Variants in SYMPK observed in about 807,000 individuals in gnomAD.
The protein encoded by SYMPK is symplekin.
Under a neutral mutation model 136.4 loss-of-function variants are expected in SYMPK, and 49 were observed. The observed-to-expected ratio is 0.36, with a 90% CI of 0.29 to 0.46. The LOEUF (loss-of-function observed/expected upper bound fraction) is 0.46, where lower values mean the gene tolerates loss of function less well. Among genes scored for constraint, SYMPK ranks in the 20% least tolerant of loss-of-function variants. The pLI is 1.00. For synonymous variants in SYMPK, 766 were observed against 713.0 expected, an observed-to-expected ratio of 1.07 and a Z score of -1.19; for missense variants, 1,365 against 1,690.0, an observed-to-expected ratio of 0.81 and a Z score of 3.37.
At chr19:45,857,293 C>T (rs148449478) in intron 1 of SYMPK, among the ~76,000 whole-genome samples, 21,314 of 149,594 alleles carry the variant, frequency 0.14, 1,593 homozygotes, top group South Asian at 0.18. Flanking sequence ...GCCTGTATTC[C>T]CAGCTACTCG....
At chr19:45,850,368 T>C (rs868437129) in intron 5 of SYMPK, among the ~76,000 whole-genome samples, 4 of 152,242 alleles carry the variant, frequency 2.6e-5, no homozygotes, top group East Asian at 1.9e-4. Flanking sequence ...AACTGATCCA[T>C]AGTATTACGA....
intron 1 of SYMPK, chr19:45,855,429 A>C (rs2146345478): frequency 6.6e-6 from 1 of 152,318 alleles, no homozygotes; most frequent in Middle Eastern, 3.4e-3. Context: ...ATAGCAAAAG[A>C]CTAGAAGCAA....
intron 7 of SYMPK, among the ~76,000 whole-genome samples, chr19:45,846,936 G>A (rs1971576629): frequency 2.0e-5 from 3 of 151,908 alleles, no homozygotes; most frequent in African/African-American, 7.3e-5. Context: ...TGGGATTACA[G>A]GTGCCCGCCA....
intron 5 of SYMPK, 137 bp from the exon 6 acceptor site, chr19:45,849,013 G>T: frequency 9.7e-7 from 1 of 1,028,928 alleles, no homozygotes; most frequent in Non-Finnish European, 1.5e-6. Context: ...GCTGGGAACA[G>T]TGCTTGGTGC....
chr19:45,860,372 C>A (rs181934871), intron 1 of SYMPK, among the ~76,000 whole-genome samples: 5 of 151,724 alleles, frequency 3.3e-5, no homozygotes, highest in Admixed American at 6.6e-5. Flanking sequence ...GCAGGAGAAT[C>A]GCTTGAATTT....
At chr19:45,861,523 G>C (rs959737747) in intron 1 of SYMPK, among the ~76,000 whole-genome samples, 4 of 152,058 alleles carry the variant, frequency 2.6e-5, no homozygotes, top group Non-Finnish European at 5.9e-5. Context: ...GGTGGATCAC[G>C]AGGTCAGGAG....
intron 18 of SYMPK, chr19:45,824,300 G>A (rs1000722556): frequency 2.2e-5 from 4 of 185,574 alleles, no homozygotes; most frequent in Non-Finnish European, 3.4e-5. Context: ...CCTGCTCTGC[G>A]GTGAATGCCA....
At chr19:45,822,935 G>A in intron 20 of SYMPK, 89 bp from the exon 21 acceptor site, 1 of 1,093,980 alleles carries the variant, frequency 9.1e-7, no homozygotes, top group Non-Finnish European at 1.4e-6. Flanking sequence ...CTCGCCCTGG[G>A]GAGCTGAGGG....
At chr19:45,829,924 G>A in intron 13 of SYMPK, 130 bp downstream of exon 13, 2 of 1,056,188 alleles carry the variant, frequency 1.9e-6, no homozygotes, top group Non-Finnish European at 2.7e-6. Flanking sequence ...TGGAGAAGCG[G>A]CTGTGGGCAG....
At position 45,831,356 on chromosome 19, in the gene SYMPK, C is replaced by T. The variant is rs777928718; in HGVS notation, c.1598+28G>A. On this transcript the variant is annotated intron_variant, in intron 12 of 26. Coordinates refer to ENST00000245934, the MANE Select transcript of SYMPK (RefSeq NM_004819.3). ...AGACCTTCAGGGTAGGGCTCCTGTC[C>T]TGCCCTAGCACCCAGAAGAGGACTC... 6 of 1,494,202 alleles carry T rather than the reference C, an allele frequency of 4.0e-6. No individual in the cohort carries two copies. In the East Asian group the frequency reaches 1.5e-4, roughly 37 times the overall value. 92.6% of individuals were successfully genotyped at this position (1,494,202 alleles called of 1,614,324 possible).
At position 45,839,763 on chromosome 19, in the gene SYMPK, C is replaced by A. The variant is rs541238882; in HGVS notation, c.1088-1148G>T. On this transcript the variant is annotated intron_variant, in intron 9 of 26. Coordinates refer to ENST00000245934, the MANE Select transcript of SYMPK (RefSeq NM_004819.3). ...AGGAGAATGGTGTGAACCCAGGAGG[C>A]GGAGCTTGCAGTGAGCCAAGATTGC... 2.0e-5 allele frequency among the ~76,000 whole-genome samples: 3 copies of A among 151,884 alleles called. No homozygotes were observed. In the East Asian group the frequency reaches 5.8e-4, roughly 30 times the overall value.
chr19:45,818,374 A>G (rs963571653), intron 22 of SYMPK, among the ~76,000 whole-genome samples: 10 of 152,214 alleles, frequency 6.6e-5, no homozygotes, highest in Non-Finnish European at 1.5e-4. Context: ...ATCCAACTCC[A>G]GGAAGCCCCA....
chr19:45,827,361 C>G, intron 16 of SYMPK, 149 bp downstream of exon 16: 7 of 640,162 alleles, frequency 1.1e-5, no homozygotes, highest in African/African-American at 1.8e-5. Flanking sequence ...ATAAAACAGA[C>G]AGAAATAGCC....
At chr19:45,833,437 T>C (rs1350609215) in intron 11 of SYMPK, among the ~76,000 whole-genome samples, 1 of 151,774 alleles carries the variant, frequency 6.6e-6, no homozygotes, top group Non-Finnish European at 1.5e-5. Flanking sequence ...CCGTCTCTAC[T>C]AAAAATACAA....
At chr19:45,847,641 A>G (rs2146336188) in intron 7 of SYMPK, 111 bp downstream of exon 7, 1 of 1,343,366 alleles carries the variant, frequency 7.4e-7, no homozygotes, top group East Asian at 2.4e-5. Context: ...TACTGCACAC[A>G]CTGTTCCAGA....
In SYMPK at chr19:45,821,575, G is replaced by A. The variant is rs1426950739; in HGVS notation, c.2792-90C>T. ...GAGTTCCCCAGATCGGGGGAGCTGCGAGCAAAGATGAGGTGCCCTCTGCTT... is the reference window on the plus strand; with the variant it reads ...GAGTTCCCCAGATCGGGGGAGCTGCAAGCAAAGATGAGGTGCCCTCTGCTT... On this transcript the variant is annotated intron_variant, in intron 21 of 26. Coordinates refer to ENST00000245934, the MANE Select transcript of SYMPK (RefSeq NM_004819.3). The surrounding 1 kb of genome is among the most constrained non-coding windows in gnomAD (Gnocchi z 4.4). The A allele has an allele frequency of 3.7e-6, 3 of 813,206 alleles. No homozygotes were observed. Among genetic ancestry groups the A allele is most frequent in the East Asian group, 2.6e-5 (1 of 37,788 alleles). 50.4% of individuals were successfully genotyped at this position (813,206 alleles called of 1,614,324 possible).
intron 25 of SYMPK, 54 bp downstream of exon 25, chr19:45,816,428 G>A (rs1254335307): frequency 1.3e-6 from 2 of 1,567,376 alleles, no homozygotes; most frequent in African/African-American, 1.3e-5. Flanking sequence ...TTGCTGGCTT[G>A]GGGTAGGGGG....
At position 45,818,079 on chromosome 19, in the gene SYMPK, C is replaced by T; in HGVS notation, c.2961G>A (p.Gln987=). The part of the protein sequence containing the change: ...TSEVLAVVMQ[Q]LMEQSPLPML... ...TGGGCAGGGGGCTCTGCTCCATCAG[C>T]TGCTGCATCACCACGGCCAGCACCT... Residue 987 remains glutamine (Q), a synonymous_variant, in exon 23 of 27, where the codon CAG becomes CAA. Transcript: ENST00000245934. The T allele has an allele frequency of 6.4e-7, 1 of 1,560,836 alleles. No homozygotes were observed. The highest frequency in any genetic ancestry group is 8.7e-7 in the Non-Finnish European group (1 of 1,152,464).
intron 1 of SYMPK, among the ~76,000 whole-genome samples, chr19:45,856,503 T>G (rs1832556883): frequency 6.6e-6 from 1 of 152,162 alleles, no homozygotes; most frequent in Admixed American, 6.5e-5. Context: ...GGCTCTCAGT[T>G]TCCTCTTCTA....
Sources: gnomAD v4.1 joint callset for allele counts (sites outside exome capture counted in the v4.1 genomes callset) on GRCh38, gnomAD v4.1.1 for gene constraint, Gnocchi (gnomAD v3.1) non-coding constraint, MANE v1.5 for transcripts, NCBI Gene and HGNC (gene_info 2026-07-23, HGNC 2026-07-21) for gene names.